Variants in IL1RAPL1 observed in about 807,000 individuals in gnomAD.
The protein encoded by IL1RAPL1 is interleukin 1 receptor accessory protein like 1.
In IL1RAPL1, 3 loss-of-function variants were observed where a neutral mutation model predicts 48.4. That is an observed-to-expected ratio of 0.06 (90% confidence interval 0.03 to 0.16). The LOEUF (loss-of-function observed/expected upper bound fraction) is 0.16, where lower values mean the gene tolerates loss of function less well. Among genes scored for constraint, IL1RAPL1 ranks in the 10% least tolerant of loss-of-function variants. The probability of loss-of-function intolerance (pLI) is 1.00; values close to 1 mark genes in which losing one functional copy is unlikely to be tolerated. For synonymous variants in IL1RAPL1, 185 were observed against 187.7 expected (o/e 0.99, Z 0.12); for missense variants, 349 against 530.6 (o/e 0.66, Z 3.36).
At chrX:28,975,967 A>G (rs1170367255) in intron 2 of IL1RAPL1, among the ~76,000 whole-genome samples, 2 of 111,822 alleles carry the variant, frequency 1.8e-5, no homozygotes, top group Non-Finnish European at 3.8e-5. Context: ...ATGAACACGT[A>G]TGTCATGTTC....
chrX:29,201,650 C>T (rs1458267185), intron 2 of IL1RAPL1, among the ~76,000 whole-genome samples: 1 of 110,527 alleles, frequency 9.0e-6, no homozygotes, highest in African/African-American at 3.3e-5. Context: ...ATACACAGTT[C>T]AATTTGCATT....
chrX:29,245,679 A>G (rs1312813292), intron 2 of IL1RAPL1, among the ~76,000 whole-genome samples: 1 of 111,721 alleles, frequency 9.0e-6, no homozygotes, highest in Non-Finnish European at 1.9e-5. Flanking sequence ...GATATTAGCC[A>G]TTTGTCAGAT....
chrX:28,896,886 TACG>T (rs1922933044), intron 2 of IL1RAPL1, among the ~76,000 whole-genome samples: 1 of 110,980 alleles, frequency 9.0e-6, no homozygotes, highest in Non-Finnish European at 1.9e-5. Context: ...TTGCCCATTT[TACG>T]ACAAGAATTA....
chrX:28,927,025 T>G lies in IL1RAPL1; in HGVS notation c.82+137600T>G, dbSNP rs757843359. On this transcript the variant is annotated intron_variant, in intron 2 of 10. Coordinates refer to ENST00000378993, the MANE Select transcript of IL1RAPL1 (RefSeq NM_014271.4). ...TCCTCCCACCTCAGCTTCCTAAGTA[T>G]CTAGGACTACAAGTGCATGCCACCA... 4.5e-5 allele frequency among the ~76,000 whole-genome samples: 5 copies of G among 111,208 alleles called. No homozygotes were observed. The South Asian group carries it at 1.1e-3, about 26-fold the overall frequency.
At chrX:29,668,107 A>G (rs1926048292) in intron 5 of IL1RAPL1, among the ~76,000 whole-genome samples, 1 of 112,365 alleles carries the variant, frequency 8.9e-6, no homozygotes, top group South Asian at 3.7e-4. Context: ...AGGACATCCC[A>G]TTAAAAGTAA....
chrX:29,645,685 C>G (rs1364286841), intron 5 of IL1RAPL1, among the ~76,000 whole-genome samples: 1 of 111,887 alleles, frequency 8.9e-6, no homozygotes, highest in Non-Finnish European at 1.9e-5. Flanking sequence ...ATAGGCAGGC[C>G]TTAGTGGCTG....
chrX:29,175,981 T>G (rs1319997041), intron 2 of IL1RAPL1, among the ~76,000 whole-genome samples: 1 of 110,451 alleles, frequency 9.1e-6, no homozygotes, highest in Non-Finnish European at 1.9e-5. Flanking sequence ...GCTAAAACTT[T>G]AGCCTGCATC....
At chrX:29,634,529 A>C (rs1368810237) in intron 5 of IL1RAPL1, among the ~76,000 whole-genome samples, 1 of 111,199 alleles carries the variant, frequency 9.0e-6, no homozygotes, top group Non-Finnish European at 1.9e-5. Context: ...CTTATCTACC[A>C]GGACCCTGGC....
intron 1 of IL1RAPL1, among the ~76,000 whole-genome samples, chrX:28,603,644 G>C (rs1338586528): frequency 9.0e-6 from 1 of 111,316 alleles, no homozygotes; most frequent in African/African-American, 3.3e-5. Context: ...GTGCAATTTA[G>C]TTCAATAATT....
At chrX:29,313,835 A>T (rs964115889) in intron 3 of IL1RAPL1, among the ~76,000 whole-genome samples, 4 of 111,968 alleles carry the variant, frequency 3.6e-5, no homozygotes, top group African/African-American at 1.3e-4. Flanking sequence ...ATTCATATCA[A>T]AACCTTCCTT....
intron 6 of IL1RAPL1, among the ~76,000 whole-genome samples, chrX:29,861,070 T>C (rs1162191510): frequency 8.9e-6 from 1 of 112,240 alleles, no homozygotes; most frequent in Non-Finnish European, 1.9e-5. Flanking sequence ...CTGTACTTTT[T>C]AGGCAATAAT....
At chrX:29,015,308 C>T (rs751115369) in intron 2 of IL1RAPL1, among the ~76,000 whole-genome samples, 2 of 110,785 alleles carry the variant, frequency 1.8e-5, no homozygotes, top group Admixed American at 9.7e-5. Context: ...AATAATCTTC[C>T]TACATTTCAA....
intron 2 of IL1RAPL1, among the ~76,000 whole-genome samples, chrX:29,236,760 G>T (rs1931315794): frequency 9.7e-6 from 1 of 103,625 alleles, no homozygotes; most frequent in Non-Finnish European, 2.0e-5. Flanking sequence ...AGTAGAGACG[G>T]GGGTTTCACC....
chrX:29,092,490 C>T (rs1237052323), intron 2 of IL1RAPL1, among the ~76,000 whole-genome samples: 1 of 111,433 alleles, frequency 9.0e-6, no homozygotes, highest in Non-Finnish European at 1.9e-5. Context: ...CAATATATTT[C>T]CTTAAGTTGA....
At chrX:28,910,966 G>C (rs1372714316) in intron 2 of IL1RAPL1, among the ~76,000 whole-genome samples, 1 of 111,236 alleles carries the variant, frequency 9.0e-6, no homozygotes, top group Non-Finnish European at 1.9e-5. Flanking sequence ...TCAATCTGTT[G>C]ACACAGTCAT....
intron 2 of IL1RAPL1, among the ~76,000 whole-genome samples, chrX:29,033,905 C>G: frequency 9.1e-6 from 1 of 110,061 alleles, no homozygotes; most frequent in East Asian, 3.1e-4. Context: ...ATGGGACACA[C>G]ACACACACAC....
At chrX:29,889,437 T>C (rs1456765022) in intron 6 of IL1RAPL1, among the ~76,000 whole-genome samples, 1 of 111,798 alleles carries the variant, frequency 8.9e-6, no homozygotes, top group Non-Finnish European at 1.9e-5. Context: ...TTACTGTAAA[T>C]ATATGTACTC....
intron 2 of IL1RAPL1, among the ~76,000 whole-genome samples, chrX:28,972,671 G>C (rs189730032): frequency 9.0e-6 from 1 of 111,267 alleles, no homozygotes; most frequent in Non-Finnish European, 1.9e-5. Context: ...CCTAGGAGGC[G>C]GAGCTTGGAG....
At chrX:28,598,375 G>A (rs1933980622) in intron 1 of IL1RAPL1, among the ~76,000 whole-genome samples, 2 of 111,625 alleles carry the variant, frequency 1.8e-5, no homozygotes, top group South Asian at 7.4e-4. Context: ...GAAACCAGTA[G>A]GTATAGTTTT....
Sources: gnomAD v4.1 joint callset for allele counts (sites outside exome capture counted in the v4.1 genomes callset) on GRCh38, gnomAD v4.1.1 for gene constraint, MANE v1.5 for transcripts, NCBI Gene and HGNC (gene_info 2026-07-23, HGNC 2026-07-21) for gene names.